The following WDR19 variants were observed in gnomAD, a reference collection of about 807,000 sequenced individuals.
WDR19 encodes WD repeat domain 19.
A neutral mutation model predicts 180.0 loss-of-function variants in WDR19; 121 were observed. The observed-to-expected ratio is 0.67, with a 90% CI of 0.58 to 0.78. The LOEUF (loss-of-function observed/expected upper bound fraction) is 0.78, where lower values mean the gene tolerates loss of function less well. Ranked by LOEUF, WDR19 falls within the 30% of genes least tolerant of loss-of-function variation. WDR19 has a pLI of 0.00. For synonymous variants in WDR19, 497 were observed against 540.7 expected, an observed-to-expected ratio of 0.92 and a Z score of 1.12; for missense variants, 1,450 against 1,640.7, an observed-to-expected ratio of 0.88 and a Z score of 2.01.
chr4:39,209,365 A>G (rs1341025859), intron 9 of WDR19, among the ~76,000 whole-genome samples: 1 of 152,184 alleles, frequency 6.6e-6, no homozygotes, highest in Non-Finnish European at 1.5e-5. Context: ...ATAGCACTAA[A>G]TGTTTACATT....
chr4:39,234,981 T>G (rs1185565102), intron 20 of WDR19, 106 bp downstream of exon 20: 1 of 676,006 alleles, frequency 1.5e-6, no homozygotes, highest in Admixed American at 2.9e-5. Flanking sequence ...TAATAATTTT[T>G]TTAGAGAAAA....
At chr4:39,217,900 C>A in intron 13 of WDR19, 83 bp from the exon 14 acceptor site, 2 of 1,519,974 alleles carry the variant, frequency 1.3e-6, no homozygotes, top group Non-Finnish European at 1.8e-6. Context: ...TTTAGGTGAA[C>A]TTGAGAAAAA....
chr4:39,267,193 C>A (rs1734897115), intron 29 of WDR19, among the ~76,000 whole-genome samples: 1 of 152,154 alleles, frequency 6.6e-6, no homozygotes. Context: ...AGGAGAGACC[C>A]ACACACCTTT....
At chr4:39,250,183 G>A (rs1276895673) in intron 24 of WDR19, among the ~76,000 whole-genome samples, 1 of 151,336 alleles carries the variant, frequency 6.6e-6, no homozygotes, top group African/African-American at 2.4e-5. Context: ...TCATCCCTGG[G>A]ATGCAAGGCT....
chr4:39,275,171 C>T, intron 33 of WDR19: 1 of 576,264 alleles, frequency 1.7e-6, no homozygotes, highest in South Asian at 1.8e-5. Context: ...GAAACCCTAT[C>T]TCTACTAAAA....
At chr4:39,191,818 C>T (rs1163027080) in intron 4 of WDR19, among the ~76,000 whole-genome samples, 1 of 152,112 alleles carries the variant, frequency 6.6e-6, no homozygotes, top group Non-Finnish European at 1.5e-5. Context: ...TCTTTTAAGC[C>T]CATGCCTTAT....
rs771449038 is a variant in WDR19 at position 39,182,583 on chromosome 4, C to A, written c.6+20C>A. The A allele has an allele frequency of 6.2e-7, 1 of 1,613,450 alleles. No individual in the cohort carries two copies. Among genetic ancestry groups the A allele is most frequent in the Admixed American group, 1.7e-5 (1 of 59,976 alleles). On this transcript the variant is annotated intron_variant, in intron 1 of 36. Coordinates refer to ENST00000399820, the MANE Select transcript of WDR19 (RefSeq NM_025132.4). ...ATGAAGGTAAATAACTTACAAATTC[C>A]CGGGGTGGGGCGGGAAAACGCGACT...
At chr4:39,205,016 G>T in intron 7 of WDR19, 138 bp from the exon 8 acceptor site, 5 of 601,490 alleles carry the variant, frequency 8.3e-6, no homozygotes, top group Non-Finnish European at 1.5e-5. Context: ...TAGTCATATT[G>T]TACTAGTTAC....
intron 17 of WDR19, 113 bp from the exon 18 acceptor site, chr4:39,231,684 A>G: frequency 1.1e-6 from 1 of 900,494 alleles, no homozygotes. Context: ...ACAGGTTAAG[A>G]AATGTTTTAG....
At chr4:39,184,977 T>C (rs959936552) in intron 1 of WDR19, among the ~76,000 whole-genome samples, 1 of 152,182 alleles carries the variant, frequency 6.6e-6, no homozygotes, top group Non-Finnish European at 1.5e-5. Context: ...TTACCCAGTA[T>C]ATCAAAAATG....
intron 5 of WDR19, among the ~76,000 whole-genome samples, chr4:39,196,803 C>T (rs895012132): frequency 2.6e-5 from 4 of 152,186 alleles, no homozygotes; most frequent in Non-Finnish European, 5.9e-5. Context: ...CCTCTCTGAC[C>T]TCATCTCATG....
In WDR19 at chr4:39,189,679, A is replaced by T; in HGVS notation, c.188A>T (p.Asp63Val). Residue 63 changes from aspartate (D) to valine (V), a missense_variant, in exon 4 of 37, where the codon GAT becomes GTT. By Grantham distance (152) the Asp-to-Val change is radical. Transcript: ENST00000399820. ...AGTAACTGTGTTGCCATGGATTGGG[A>T]TAAAGATGGAGATGTCCTAGCAGTG... ...LPGNCVAMDW[D>V]KDGDVLAVIA... The T allele has an allele frequency of 6.2e-7, 1 of 1,605,740 alleles. No individual in the cohort carries two copies. The highest frequency in any genetic ancestry group is 8.5e-7 in the Non-Finnish European group (1 of 1,176,904).
chr4:39,203,251 C>T (rs893000091), intron 6 of WDR19, among the ~76,000 whole-genome samples: 9 of 151,826 alleles, frequency 5.9e-5, no homozygotes, highest in Non-Finnish European at 1.2e-4. Context: ...AGATATGAGC[C>T]ACCGCACCCA....
intron 3 of WDR19, among the ~76,000 whole-genome samples, chr4:39,187,732 TG>T (rs752226567): frequency 7.9e-5 from 12 of 152,346 alleles, no homozygotes; most frequent in Admixed American, 3.3e-4. Flanking sequence ...TGGAGTAAAT[TG>T]CGTGAGCTTT....
At chr4:39,236,755 A>G (rs1731425155) in intron 20 of WDR19, among the ~76,000 whole-genome samples, 1 of 152,218 alleles carries the variant, frequency 6.6e-6, no homozygotes, top group African/African-American at 2.4e-5. Context: ...TTTATGATGC[A>G]TGAATAGGAG....
intron 9 of WDR19, among the ~76,000 whole-genome samples, chr4:39,210,908 G>A (rs745803222): frequency 1.7e-4 from 25 of 151,302 alleles, no homozygotes; most frequent in Admixed American, 1.1e-3. Flanking sequence ...AGGCCAAGGC[G>A]GGAGAATCAC....
Position 39,229,564 on chromosome 4 carries a change from T to A in WDR19, c.1982+874T>A, listed in dbSNP as rs1321549256. 1.2e-4 allele frequency among the ~76,000 whole-genome samples: 18 copies of A among 152,220 alleles called. 1 individual carries two copies. Among genetic ancestry groups the A allele is most frequent in the Admixed American group, 1.2e-3 (18 of 15,290 alleles). On this transcript the variant is annotated intron_variant, in intron 17 of 36. Coordinates refer to ENST00000399820, the MANE Select transcript of WDR19 (RefSeq NM_025132.4). Reference sequence around the variant, plus strand: ...GCTTATAATTTCCTTTTACTGTTTTTTTCTCTTATCTCCTAGAGCCACCGT... The same window carrying A: ...GCTTATAATTTCCTTTTACTGTTTTATTCTCTTATCTCCTAGAGCCACCGT...
chr4:39,246,239 C>T (rs1377847630), intron 24 of WDR19, among the ~76,000 whole-genome samples: 1 of 152,210 alleles, frequency 6.6e-6, no homozygotes, highest in Non-Finnish European at 1.5e-5. Context: ...GGCGTGGTGG[C>T]TCACACCTGC....
chr4:39,264,600 G>A (rs953761219), intron 28 of WDR19, among the ~76,000 whole-genome samples: 2 of 152,162 alleles, frequency 1.3e-5, no homozygotes, highest in African/African-American at 4.8e-5. Flanking sequence ...GCCATGTGTG[G>A]CTGAGTCCCC....
Sources: gnomAD v4.1 joint callset for allele counts (sites outside exome capture counted in the v4.1 genomes callset) on GRCh38, gnomAD v4.1.1 for gene constraint, MANE v1.5 for transcripts, NCBI Gene and HGNC (gene_info 2026-07-23, HGNC 2026-07-21) for gene names.